DCT: variants seen among roughly 807,000 people sequenced by gnomAD.
The protein encoded by DCT is L-dopachrome tautomerase.
DCT carries 47 observed loss-of-function variants against 53.0 expected under a neutral mutation model. The observed-to-expected ratio is 0.89, with a 90% confidence interval of 0.70 to 1.13. The LOEUF is 1.13. Among genes scored for constraint, DCT ranks in the 50% most tolerant of loss-of-function variants. DCT has a pLI of 0.00. For missense variants in DCT, 669 were observed against 637.4 expected (o/e 1.05, Z -0.53); for synonymous variants, 244 against 237.0 (o/e 1.03, Z -0.27).
At chr13:94,480,366 G>A (rs1885389084), upstream of DCT, among the ~76,000 whole-genome samples, 1 of 152,168 alleles carries the variant, frequency 6.6e-6, no homozygotes, top group Non-Finnish European at 1.5e-5. Context: ...TGCTTCTGGA[G>A]AATGGTCAGG....
chr13:94,495,752 G>A, the DCT span, among the ~76,000 whole-genome samples: 1 of 152,164 alleles, frequency 6.6e-6, no homozygotes, highest in Non-Finnish European at 1.5e-5. Flanking sequence ...CTATCTCAAA[G>A]GGAGAGAGAG....
chr13:94,489,312 C>T, the DCT span, among the ~76,000 whole-genome samples: 1 of 151,894 alleles, frequency 6.6e-6, no homozygotes, highest in African/African-American at 2.4e-5. Flanking sequence ...AGTCAAAATC[C>T]CAGCAAGTTA....
the DCT span, among the ~76,000 whole-genome samples, chr13:94,499,477 T>G: frequency 6.6e-6 from 1 of 151,900 alleles, no homozygotes; most frequent in Non-Finnish European, 1.5e-5. Context: ...TGTGTGTGTG[T>G]GTGTGCGTTC....
rs915967775 is a variant in DCT at position 94,439,881 on chromosome 13, G to C, written c.*17C>G. The C allele has an allele frequency of 3.7e-6, 6 of 1,600,864 alleles. No homozygotes were observed. Among genetic ancestry groups the C allele is most frequent in the Non-Finnish European group, 5.1e-6 (6 of 1,173,722 alleles). ...GTGGCTTGGCCAGCCTCTTCTCTTA[G>C]GTAAGGCATGAGCACCCTAGGCTTC... On this transcript the variant is annotated 3_prime_UTR_variant, in exon 8 of 8. Coordinates refer to ENST00000377028, the MANE Select transcript of DCT (RefSeq NM_001922.5).
the DCT span, among the ~76,000 whole-genome samples, chr13:94,513,039 T>C: frequency 6.6e-6 from 1 of 152,190 alleles, no homozygotes; most frequent in African/African-American, 2.4e-5. Context: ...TCAGAGAACG[T>C]GCCATTCTGT....
At chr13:94,519,955 A>G in the DCT span, among the ~76,000 whole-genome samples, 1 of 152,220 alleles carries the variant, frequency 6.6e-6, no homozygotes, top group East Asian at 1.9e-4. Context: ...GACATCTAAT[A>G]GAATCTTTAA....
intron 6 of DCT, among the ~76,000 whole-genome samples, chr13:94,446,598 AC>A (rs1356711440): frequency 1.3e-5 from 2 of 152,224 alleles, no homozygotes; most frequent in Admixed American, 6.5e-5. Flanking sequence ...GTAACAAAGT[AC>A]TACAGACTGG....
rs148815437 is a variant in DCT at position 94,441,227 on chromosome 13, A to G, written c.1382-1151T>C. Among the ~76,000 whole-genome samples the G allele has an allele frequency of 1.1e-3, 166 of 152,302 alleles. 1 individual carries two copies. The highest frequency in any genetic ancestry group is 3.8e-3 in the African/African-American group (156 of 41,570). Reference sequence around the variant, plus strand: ...ATTCAACCCAGCAGCACCTATTGCCAACTTCATCTTCTTAAAACACATATA... The same window carrying G: ...ATTCAACCCAGCAGCACCTATTGCCGACTTCATCTTCTTAAAACACATATA... On this transcript the variant is annotated intron_variant, in intron 7 of 7. Transcript: ENST00000377028.
At chr13:94,498,640 T>C in the DCT span, among the ~76,000 whole-genome samples, 3 of 152,244 alleles carry the variant, frequency 2.0e-5, no homozygotes, top group Non-Finnish European at 4.4e-5. Context: ...CAGTTTACAG[T>C]AATTTGTTAC....
At chr13:94,501,549 A>C in the DCT span, among the ~76,000 whole-genome samples, 1,973 of 152,116 alleles carry the variant, frequency 0.013, 44 homozygotes, top group African/African-American at 0.045. Flanking sequence ...CTGGCCCTGC[A>C]CTAGGCACCA....
chr13:94,472,333 A>C (rs1263017280), intron 1 of DCT, among the ~76,000 whole-genome samples: 1 of 151,556 alleles, frequency 6.6e-6, no homozygotes, highest in Non-Finnish European at 1.5e-5. Context: ...GGGGGTTGGC[A>C]ACTCTCTGTA....
At position 94,439,927 on chromosome 13, in the gene DCT, T is replaced by G. The variant is rs146204093; in HGVS notation, c.1531A>C (p.Ser511Arg). Reference protein sequence around the residue: ...GYTPLMETHLSSKRYTEEA With the variant: ...GYTPLMETHLRSKRYTEEA ...GCTTCTTCTGTGTATCTCTTGCTGC[T>G]TAAATGTGTCTCCATTAGGGGTGTA... Residue 511 changes from serine to arginine, a missense_variant, in exon 8 of 8, where the codon AGC becomes CGC. Coordinates refer to ENST00000377028, the MANE Select transcript of DCT (RefSeq NM_001922.5). 110 of 1,613,868 alleles carry G rather than the reference T, an allele frequency of 6.8e-5. No individual in the cohort carries two copies. The highest frequency in any genetic ancestry group is 1.3e-5 in the Non-Finnish European group (15 of 1,179,928).
chr13:94,441,522 T>C (rs1398002650), intron 7 of DCT, among the ~76,000 whole-genome samples: 1 of 152,114 alleles, frequency 6.6e-6, no homozygotes, highest in African/African-American at 2.4e-5. Flanking sequence ...TAACTCCCTA[T>C]TCTCCCCTCC....
the DCT span, among the ~76,000 whole-genome samples, chr13:94,499,455 C>A: frequency 2.6e-5 from 3 of 116,826 alleles, no homozygotes; most frequent in African/African-American, 1.0e-4. Context: ...AAGGAGTGTG[C>A]ATGAGAGTGA....
the DCT span, among the ~76,000 whole-genome samples, chr13:94,490,631 C>T: frequency 1.3e-5 from 2 of 151,516 alleles, no homozygotes; most frequent in South Asian, 2.1e-4. Context: ...TCATGGACCA[C>T]GTGTGCATGC....
intron 6 of DCT, among the ~76,000 whole-genome samples, chr13:94,444,743 T>G (rs1882609326): frequency 6.6e-6 from 1 of 152,202 alleles, no homozygotes; most frequent in Non-Finnish European, 1.5e-5. Context: ...AGGGAGGTAC[T>G]TATTTCAGTA....
chr13:94,514,218 A>G, the DCT span, among the ~76,000 whole-genome samples: 1 of 152,090 alleles, frequency 6.6e-6, no homozygotes, highest in South Asian at 2.1e-4. Flanking sequence ...ATACGGAAAG[A>G]GCACAGATGT....
At chr13:94,446,696 G>A (rs1280511901) in intron 6 of DCT, among the ~76,000 whole-genome samples, 1 of 152,136 alleles carries the variant, frequency 6.6e-6, no homozygotes, top group Non-Finnish European at 1.5e-5. Flanking sequence ...AGATGTCAGT[G>A]GGGCTGGTTC....
In DCT at chr13:94,463,901, G is replaced by A. The variant is rs1185357209; in HGVS notation, c.864-1712C>T. ...CAAAGTGGATTCCAATGGGATGTCC[G>A]GTGAAGTAAGAGTTCCAGGGTTAGG... is the stretch of plus-strand genomic sequence containing the variant. On this transcript the variant is annotated intron_variant, in intron 4 of 7. Transcript: ENST00000377028. Among the ~76,000 whole-genome samples the A allele has an allele frequency of 2.6e-5, 4 of 152,180 alleles. No individual in the cohort carries two copies. In the South Asian group the frequency reaches 6.2e-4, roughly 24 times the overall value.
Sources: gnomAD v4.1 joint callset for allele counts (sites outside exome capture counted in the v4.1 genomes callset) on GRCh38, gnomAD v4.1.1 for gene constraint, MANE v1.5 for transcripts, NCBI Gene and HGNC (gene_info 2026-07-23, HGNC 2026-07-21) for gene names.